ZNF423: variants seen among roughly 807,000 people sequenced by gnomAD.
ZNF423 encodes zinc finger protein 423, also known as Ebf-associated zinc finger protein.
Under a neutral mutation model 95.8 loss-of-function variants are expected in ZNF423, and 12 were observed. The observed-to-expected ratio is 0.13, with a 90% CI of 0.08 to 0.20. The LOEUF (loss-of-function observed/expected upper bound fraction) is 0.20, where lower values mean the gene tolerates loss of function less well. Ranked by LOEUF, ZNF423 falls within the 10% of genes least tolerant of loss-of-function variation. ZNF423 has a pLI of 1.00. For missense variants in ZNF423, 1,316 were observed against 1,737.1 expected (o/e 0.76, Z 4.31); for synonymous variants, 749 against 711.9 (o/e 1.05, Z -0.83).
Position 49,638,068 on chromosome 16 carries a change from C to T in ZNF423, c.1108G>A (p.Gly370Ser), listed in dbSNP as rs1350286724. Residue 370 changes from glycine (G) to serine (S), a missense_variant, in exon 4 of 8, where the codon GGC becomes AGC. Physicochemically the swap from Gly to Ser is moderately conservative, Grantham distance 56. Transcript: ENST00000563137. The surrounding 1 kb of genome is among the most constrained non-coding windows in gnomAD (Gnocchi z 5.6). ...GCGCTGCTCATGGAGGCCACGCTGC[C>T]CAGTACAGGGTCGGGACTGACACTG... ...NHSVSPDPVLGSVASMSSATP... is the reference protein window; with the variant it reads ...NHSVSPDPVLSSVASMSSATP... 1.9e-6 allele frequency: 3 copies of T among 1,613,836 alleles called. No homozygotes were observed. Among genetic ancestry groups the T allele is most frequent in the African/African-American group, 1.3e-5 (1 of 74,936 alleles).
At chr16:49,516,477 G>A (rs145908998) in intron 7 of ZNF423, among the ~76,000 whole-genome samples, 1 of 152,286 alleles carries the variant, frequency 6.6e-6, no homozygotes, top group South Asian at 2.1e-4. Context: ...TCTTAAGTAG[G>A]AACTACTCAC....
chr16:49,659,825 G>A (rs1260551463), intron 3 of ZNF423, among the ~76,000 whole-genome samples: 1 of 152,212 alleles, frequency 6.6e-6, no homozygotes, highest in Non-Finnish European at 1.5e-5. Flanking sequence ...ACCCCTGTGG[G>A]TGGTGCTGGG....
chr16:49,536,608 A>G (rs886392100), intron 5 of ZNF423, among the ~76,000 whole-genome samples: 2 of 152,020 alleles, frequency 1.3e-5, no homozygotes, highest in Non-Finnish European at 1.5e-5. Flanking sequence ...AGACCTGGCT[A>G]GATTTTTAGT....
chr16:49,697,106 G>A (rs2032004777), intron 3 of ZNF423, among the ~76,000 whole-genome samples: 1 of 152,172 alleles, frequency 6.6e-6, no homozygotes, highest in Admixed American at 6.5e-5. Flanking sequence ...GAATTCCCCA[G>A]GGCTCAGGAC....
intron 5 of ZNF423, among the ~76,000 whole-genome samples, chr16:49,605,231 G>A (rs975984549): frequency 6.6e-6 from 1 of 152,146 alleles, no homozygotes; most frequent in Non-Finnish European, 1.5e-5. Context: ...TGGGGGTGGA[G>A]GATGCTTGTT....
intron 6 of ZNF423, among the ~76,000 whole-genome samples, chr16:49,524,012 C>T (rs911355588): frequency 6.6e-6 from 1 of 152,138 alleles, no homozygotes; most frequent in Non-Finnish European, 1.5e-5. Context: ...TATAATATGT[C>T]CCTAGCTGGG....
chr16:49,541,467 G>T (rs1969243671), intron 5 of ZNF423, among the ~76,000 whole-genome samples: 1 of 152,226 alleles, frequency 6.6e-6, no homozygotes, highest in Non-Finnish European at 1.5e-5. Flanking sequence ...GACTATATTT[G>T]TGTGTGCTTG....
intron 1 of ZNF423, among the ~76,000 whole-genome samples, chr16:49,825,441 T>C (rs1031342937): frequency 1.3e-5 from 2 of 152,016 alleles, no homozygotes; most frequent in African/African-American, 4.8e-5. Flanking sequence ...CATACATATA[T>C]ATAATATATA....
intron 3 of ZNF423, among the ~76,000 whole-genome samples, chr16:49,692,582 C>T (rs375015600): frequency 6.6e-6 from 1 of 152,200 alleles, no homozygotes; most frequent in Non-Finnish European, 1.5e-5. Flanking sequence ...GCAGCCGCCT[C>T]GTCCATCTTG....
At chr16:49,817,248 G>C (rs931776509) in intron 1 of ZNF423, among the ~76,000 whole-genome samples, 1 of 152,192 alleles carries the variant, frequency 6.6e-6, no homozygotes, top group Non-Finnish European at 1.5e-5. Context: ...GGAGAGCAGG[G>C]GGAGGCAGGG....
intron 2 of ZNF423, among the ~76,000 whole-genome samples, chr16:49,747,290 C>T (rs138182852): frequency 1.3e-5 from 2 of 150,056 alleles, no homozygotes; most frequent in African/African-American, 4.9e-5. Context: ...TGTATCAACA[C>T]GGATTAATCT....
At chr16:49,690,703 A>C (rs2031744632) in intron 3 of ZNF423, among the ~76,000 whole-genome samples, 2 of 152,130 alleles carry the variant, frequency 1.3e-5, no homozygotes, top group East Asian at 3.9e-4. Flanking sequence ...TGGATAAACA[A>C]ATGGATTATC....
chr16:49,605,125 G>A (rs1234478216), intron 5 of ZNF423, among the ~76,000 whole-genome samples: 1 of 151,980 alleles, frequency 6.6e-6, no homozygotes, highest in East Asian at 1.9e-4. Flanking sequence ...GGGTCCCAAA[G>A]TCCCAGCTCC....
intron 5 of ZNF423, among the ~76,000 whole-genome samples, chr16:49,580,251 C>T (rs948477495): frequency 6.6e-6 from 1 of 152,150 alleles, no homozygotes; most frequent in Non-Finnish European, 1.5e-5. Context: ...CCGGTCACTC[C>T]CCACACTCTA....
At chr16:49,807,980 A>G (rs1234881318) in intron 1 of ZNF423, among the ~76,000 whole-genome samples, 2 of 151,894 alleles carry the variant, frequency 1.3e-5, no homozygotes, top group African/African-American at 4.8e-5. Flanking sequence ...TTTTTCTTAC[A>G]TTCCTTTTTT....
chr16:49,747,281 G>A (rs1284186991), intron 2 of ZNF423, among the ~76,000 whole-genome samples: 1 of 151,628 alleles, frequency 6.6e-6, no homozygotes, highest in East Asian at 1.9e-4. Context: ...ACAGCTACAT[G>A]TATCAACACG....
chr16:49,802,214 T>C (rs1198475700), intron 1 of ZNF423, among the ~76,000 whole-genome samples: 2 of 152,126 alleles, frequency 1.3e-5, no homozygotes, highest in East Asian at 1.9e-4. Context: ...TGGTTCCAGA[T>C]TGAGTAGGAT....
intron 7 of ZNF423, among the ~76,000 whole-genome samples, chr16:49,495,066 C>T (rs907073622): frequency 3.3e-5 from 5 of 152,176 alleles, no homozygotes; most frequent in African/African-American, 4.8e-5. Flanking sequence ...GACAGGGGCC[C>T]AGGGAAGGAC....
intron 3 of ZNF423, among the ~76,000 whole-genome samples, chr16:49,649,343 T>A (rs1435397423): frequency 6.6e-6 from 1 of 152,062 alleles, no homozygotes; most frequent in Non-Finnish European, 1.5e-5. Flanking sequence ...GACGAACAGG[T>A]CTCTAAGAGG....
Sources: gnomAD v4.1 joint callset for allele counts (sites outside exome capture counted in the v4.1 genomes callset) on GRCh38, gnomAD v4.1.1 for gene constraint, Gnocchi (gnomAD v3.1) non-coding constraint, MANE v1.5 for transcripts, NCBI Gene and HGNC (gene_info 2026-07-23, HGNC 2026-07-21) for gene names.